Variants in BANK1 observed in about 807,000 individuals in gnomAD.
The protein encoded by BANK1 is B cell scaffold protein with ankyrin repeats 1, also known as B-cell scaffold protein with ankyrin repeats.
Under a neutral mutation model 94.5 loss-of-function variants are expected in BANK1, and 95 were observed. That is an observed-to-expected ratio of 1.00 (90% CI 0.85 to 1.19). BANK1 has a LOEUF of 1.19. Among genes scored for constraint, BANK1 ranks in the 50% most tolerant of loss-of-function variants. BANK1 has a pLI of 0.00. For synonymous variants in BANK1, 334 were observed against 308.4 expected (o/e 1.08, Z -0.87); for missense variants, 987 against 932.2 (o/e 1.06, Z -0.77).
At chr4:101,865,797 A>G (rs147389512) in intron 4 of BANK1, among the ~76,000 whole-genome samples, 95 of 152,198 alleles carry the variant, frequency 6.2e-4, no homozygotes, top group African/African-American at 2.1e-3. Flanking sequence ...TAAAAAAGCA[A>G]ACAACCAACC....
chr4:101,925,568 A>AT (rs997522676), intron 7 of BANK1, among the ~76,000 whole-genome samples: 4 of 151,758 alleles, frequency 2.6e-5, no homozygotes, highest in African/African-American at 9.7e-5. Context: ...TCATTAAATA[A>AT]TTTTTTAAAG....
Position 101,790,895 on chromosome 4 carries a change from G to T in BANK1, c.15G>T (p.Ala5=). 1 of 1,539,540 alleles carries T rather than the reference G, an allele frequency of 6.5e-7. No individual in the cohort carries two copies. Among genetic ancestry groups the T allele is most frequent in the Non-Finnish European group, 8.7e-7 (1 of 1,147,206 alleles). Residue 5 remains alanine, a synonymous_variant, in exon 1 of 17, where the codon GCG becomes GCT. Coordinates refer to ENST00000322953, the MANE Select transcript of BANK1 (RefSeq NM_017935.5). ...CAACCGCCACAATGCTGCCAGCAGC[G>T]CCAGGCAAGGGGCTTGGGAGCCCGG... MLPA[A]PGKGLGSPDP... is the part of the protein sequence containing the mutation.
At chr4:101,849,690 A>G (rs1419734683) in intron 2 of BANK1, among the ~76,000 whole-genome samples, 5 of 152,190 alleles carry the variant, frequency 3.3e-5, no homozygotes, top group Non-Finnish European at 5.9e-5. Context: ...GATTATGTCT[A>G]TCTAATTACC....
intron 7 of BANK1, among the ~76,000 whole-genome samples, chr4:101,987,532 T>C (rs1026454071): frequency 5.3e-5 from 8 of 152,180 alleles, no homozygotes; most frequent in Admixed American, 2.0e-4. Context: ...AAATATTCCA[T>C]ACCAATTACC....
chr4:101,967,743 A>C (rs1342142281), intron 7 of BANK1, among the ~76,000 whole-genome samples: 1 of 152,052 alleles, frequency 6.6e-6, no homozygotes, highest in East Asian at 1.9e-4. Context: ...TAACTTAATT[A>C]TTACTCCCAA....
rs552779521 is a variant in BANK1, at chr4:102,073,672, A to T, written c.2299-12A>T. 11 of 1,607,130 alleles carry T rather than the reference A, an allele frequency of 6.8e-6. No homozygotes were observed. In the African/African-American group the frequency reaches 1.5e-4, roughly 22 times the overall value. On this transcript the variant is annotated splice_polypyrimidine_tract_variant and intron_variant, in intron 15 of 16. Transcript: ENST00000322953. ...CGAGAAATACTAGCTCTATATCTTT[A>T]TTTTTTTTCAGCTTCCTGCTCGACC...
At chr4:102,047,955 C>T (rs1727937581) in intron 11 of BANK1, among the ~76,000 whole-genome samples, 1 of 152,104 alleles carries the variant, frequency 6.6e-6, no homozygotes, top group African/African-American at 2.4e-5. Flanking sequence ...AAACGAGGAC[C>T]TAATTATGCA....
intron 2 of BANK1, among the ~76,000 whole-genome samples, chr4:101,835,260 T>C (rs772119910): frequency 5.3e-5 from 8 of 152,212 alleles, no homozygotes; most frequent in Non-Finnish European, 8.8e-5. Flanking sequence ...ATCACCAACA[T>C]GTACTTGAAT....
intron 6 of BANK1, among the ~76,000 whole-genome samples, chr4:101,898,737 G>A (rs1012947142): frequency 2.6e-5 from 4 of 151,972 alleles, no homozygotes; most frequent in Non-Finnish European, 5.9e-5. Flanking sequence ...TCTGGGTTTA[G>A]TTTCCTGCCA....
chr4:101,938,054 A>C (rs992586546), intron 7 of BANK1, among the ~76,000 whole-genome samples: 3 of 151,672 alleles, frequency 2.0e-5, no homozygotes, highest in African/African-American at 7.3e-5. Context: ...ACACATGGAC[A>C]CAGGGAGGGG....
At chr4:101,813,369 C>A (rs2148855402) in intron 1 of BANK1, among the ~76,000 whole-genome samples, 1 of 152,046 alleles carries the variant, frequency 6.6e-6, no homozygotes, top group East Asian at 1.9e-4. Context: ...TATTTATTTT[C>A]TTTTTTCACA....
chr4:101,936,179 T>C (rs566095647), intron 7 of BANK1, among the ~76,000 whole-genome samples: 1 of 111,940 alleles, frequency 8.9e-6, no homozygotes, highest in South Asian at 3.0e-4. Flanking sequence ...CAGAAAAAAA[T>C]ATATATGATA....
At chr4:102,009,268 C>T (rs374981159) in intron 7 of BANK1, among the ~76,000 whole-genome samples, 3 of 152,176 alleles carry the variant, frequency 2.0e-5, no homozygotes, top group Admixed American at 6.5e-5. Flanking sequence ...GGGGTTTCCC[C>T]GTGCCCTGTA....
chr4:101,932,572 G>A (rs772150563), intron 7 of BANK1, among the ~76,000 whole-genome samples: 1 of 151,464 alleles, frequency 6.6e-6, no homozygotes, highest in Non-Finnish European at 1.5e-5. Context: ...AGAGAGCACA[G>A]CTTGGATAGC....
At chr4:101,996,620 G>A (rs1371573414) in intron 7 of BANK1, among the ~76,000 whole-genome samples, 1 of 152,098 alleles carries the variant, frequency 6.6e-6, no homozygotes, top group East Asian at 1.9e-4. Context: ...GTGTTTTGTA[G>A]TTCTCCTTGA....
At chr4:101,853,307 C>G (rs192957233) in intron 2 of BANK1, among the ~76,000 whole-genome samples, 8 of 152,160 alleles carry the variant, frequency 5.3e-5, no homozygotes, top group African/African-American at 1.9e-4. Flanking sequence ...TTTTGTTACT[C>G]TGCTTTTCTG....
At chr4:101,869,433 A>G (rs1728198425) in intron 4 of BANK1, among the ~76,000 whole-genome samples, 1 of 151,674 alleles carries the variant, frequency 6.6e-6, no homozygotes, top group East Asian at 1.9e-4. Context: ...GAGAGCTCCT[A>G]TTTTTCTACA....
chr4:102,060,939 T>G (rs1728399029), intron 12 of BANK1, among the ~76,000 whole-genome samples: 1 of 152,196 alleles, frequency 6.6e-6, no homozygotes, highest in Non-Finnish European at 1.5e-5. Context: ...GAGGACATGG[T>G]TCTGAGATGA....
chr4:101,793,764 G>T (rs1258042081), intron 1 of BANK1, among the ~76,000 whole-genome samples: 1 of 152,064 alleles, frequency 6.6e-6, no homozygotes, highest in Non-Finnish European at 1.5e-5. Context: ...GTTGTTTAGG[G>T]GATTAAATGG....
Sources: allele counts gnomAD v4.1 joint callset (sites outside exome capture counted in the v4.1 genomes callset), GRCh38; gene constraint gnomAD v4.1.1; transcripts MANE v1.5; gene names NCBI Gene and HGNC (gene_info 2026-07-23, HGNC 2026-07-21).